The following GON4L variants were observed in gnomAD, a reference collection of about 807,000 sequenced individuals.
GON4L encodes the protein gon-4 like, also known as GON-4-like protein.
Under a neutral mutation model 211.8 loss-of-function variants are expected in GON4L, and 87 were observed. The ratio of observed to expected loss-of-function variants is 0.41; its 90% CI spans 0.35 to 0.49. GON4L has a LOEUF of 0.49. Among genes scored for constraint, GON4L ranks in the 20% least tolerant of loss-of-function variants. The pLI is 0.15. For synonymous variants in GON4L, 875 were observed against 962.6 expected, an observed-to-expected ratio of 0.91 and a Z score of 1.68; for missense variants, 2,155 against 2,659.5, an observed-to-expected ratio of 0.81 and a Z score of 4.17.
At position 155,813,704 on chromosome 1, in the gene GON4L, G is replaced by C; in HGVS notation, c.1382C>G (p.Thr461Ser). 1 of 1,613,480 alleles carries C rather than the reference G, an allele frequency of 6.2e-7. No homozygotes were observed. ...TACCGCATGTAACTTCTCCATGAAA[G>C]TACTATCTCTGGTCTGTTTCGGCTT... ...PPKPKQTRDSTFMEKLHAVDE... is the reference protein window; with the variant it reads ...PPKPKQTRDSSFMEKLHAVDE... Residue 461 changes from threonine (T) to serine (S), a missense_variant, in exon 10 of 32, where the codon ACT (threonine) becomes AGT (serine). Physicochemically the swap from Thr to Ser is moderately conservative, Grantham distance 58 (BLOSUM62 1). Around this residue, in one of 6 missense-constraint regions of GON4L, gnomAD observed 551 missense variants for 854.0 expected, o/e 0.65. Coordinates refer to ENST00000368331, the MANE Select transcript of GON4L (RefSeq NM_001282860.2).
At chr1:155,839,330 G>A (rs576227626) in intron 2 of GON4L, among the ~76,000 whole-genome samples, 1 of 152,174 alleles carries the variant, frequency 6.6e-6, no homozygotes, top group East Asian at 1.9e-4. Context: ...TTGTTCTAGA[G>A]TAGTAGAATG....
intron 10 of GON4L, among the ~76,000 whole-genome samples, chr1:155,812,558 A>ATTT (rs763363461): frequency 1.4e-5 from 2 of 144,834 alleles, no homozygotes; most frequent in East Asian, 2.0e-4. Context: ...CTGTATCCTG[A>ATTT]TTTTTTTTTT....
At chr1:155,756,794 T>A (rs946457703) in intron 27 of GON4L, 164 bp downstream of exon 27, 3 of 596,760 alleles carry the variant, frequency 5.0e-6, no homozygotes, top group Non-Finnish European at 8.9e-6. Flanking sequence ...GCGTGGTGGC[T>A]GGCGCCTGTC....
chr1:155,779,059 G>T (rs1664129693), intron 14 of GON4L, among the ~76,000 whole-genome samples: 1 of 151,628 alleles, frequency 6.6e-6, no homozygotes, highest in African/African-American at 2.4e-5. Context: ...GAGGTCAGGA[G>T]ATCAAGACCA....
intron 2 of GON4L, chr1:155,846,693 C>G (rs1048964719): frequency 6.6e-6 from 1 of 151,878 alleles, no homozygotes; most frequent in Non-Finnish European, 1.5e-5. Flanking sequence ...CTGGGGGGTT[C>G]TTTTCCACTT....
intron 8 of GON4L, 93 bp downstream of exon 8, chr1:155,815,712 C>G (rs1193906731): frequency 5.2e-6 from 4 of 773,186 alleles, no homozygotes; most frequent in African/African-American, 1.7e-5. Flanking sequence ...AAAAAAGAAC[C>G]ATGTCTCAAT....
intron 2 of GON4L, among the ~76,000 whole-genome samples, chr1:155,850,882 C>T (rs1333104995): frequency 6.9e-6 from 1 of 144,412 alleles, no homozygotes; most frequent in Non-Finnish European, 1.5e-5. Context: ...AACCCTGTCT[C>T]AACTAAAATA....
Position 155,822,268 on chromosome 1 carries a change from T to C in GON4L, c.888+18A>G. The stretch of plus-strand genomic sequence containing the variant: ...AAAAGTTCCCTTCCATTTACATAAC[T>C]GCCCCAGTCTTACTCACATGAAGGA... On this transcript the variant is annotated intron_variant, in intron 4 of 31. Coordinates refer to ENST00000368331, the MANE Select transcript of GON4L (RefSeq NM_001282860.2). 6.3e-7 allele frequency: 1 copy of C among 1,598,844 alleles called. No homozygotes were observed. Among genetic ancestry groups the C allele is most frequent in the South Asian group, 1.1e-5 (1 of 90,734 alleles).
chr1:155,825,032 C>T (rs1036096290), intron 3 of GON4L, among the ~76,000 whole-genome samples: 3 of 151,636 alleles, frequency 2.0e-5, no homozygotes, highest in African/African-American at 7.3e-5. Context: ...GGCATTGTGG[C>T]GTGCACCTAG....
intron 12 of GON4L, among the ~76,000 whole-genome samples, chr1:155,790,696 A>C (rs1322354436): frequency 6.6e-6 from 1 of 152,034 alleles, no homozygotes; most frequent in Admixed American, 6.6e-5. Flanking sequence ...CTGTAATCCC[A>C]GCACTTTGGG....
chr1:155,844,564 C>T (rs1301656882), intron 2 of GON4L, among the ~76,000 whole-genome samples: 1 of 151,968 alleles, frequency 6.6e-6, no homozygotes, highest in Non-Finnish European at 1.5e-5. Flanking sequence ...AAGACCAGCC[C>T]GGGCAACATA....
rs559399330 is a variant in GON4L at position 155,797,160 on chromosome 1, G to A, written c.1646-2009C>T. Among the ~76,000 whole-genome samples, 96 of 151,892 alleles carry A rather than the reference G, an allele frequency of 6.3e-4. 1 individual carries two copies. Among genetic ancestry groups the A allele is most frequent in the African/African-American group, 2.3e-3 (95 of 41,410 alleles). On this transcript the variant is annotated intron_variant, in intron 11 of 31. Transcript: ENST00000368331. Reference sequence around the variant, plus strand: ...GGTGGAGTCTCGCTCTGTCGCCCAGGCTGGAGTGCAGTGGCTCGATCTCAG... The same window carrying A: ...GGTGGAGTCTCGCTCTGTCGCCCAGACTGGAGTGCAGTGGCTCGATCTCAG...
At chr1:155,809,920 T>TA (rs1388467593) in intron 10 of GON4L, among the ~76,000 whole-genome samples, 5 of 135,754 alleles carry the variant, frequency 3.7e-5, no homozygotes, top group African/African-American at 1.4e-4. Context: ...TATACATATA[T>TA]AATTATAAAT....
rs367979838 is a variant in GON4L, at chr1:155,775,140, C to T, written c.2212G>A (p.Ala738Thr). The stretch of plus-strand genomic sequence containing the variant: ...TTGGGGTTGTACTGATGGTGAAGGG[C>T]GATGGAGCTTTGAGCAAAGGTTCCC... ...ELGTFAQSSIALHHQYNPKFQ... is the reference protein window; with the variant it reads ...ELGTFAQSSITLHHQYNPKFQ... The change falls in exon 17 of 32, where the codon GCC (alanine) becomes ACC (threonine). Residue 738 changes from alanine (A) to threonine (T), a missense_variant. Physicochemically the swap from Ala to Thr is moderately conservative, Grantham distance 58. Coordinates refer to ENST00000368331, the MANE Select transcript of GON4L (RefSeq NM_001282860.2). 21 of 1,613,928 alleles carry T rather than the reference C, an allele frequency of 1.3e-5. No homozygotes were observed. Among genetic ancestry groups the T allele is most frequent in the African/African-American group, 2.7e-5 (2 of 74,866 alleles).
intron 10 of GON4L, 100 bp downstream of exon 10, chr1:155,813,534 A>G (rs1667972319): frequency 1.2e-6 from 1 of 866,836 alleles, no homozygotes; most frequent in African/African-American, 1.7e-5. Context: ...ACTCTTACTT[A>G]TATAAAATTG....
chr1:155,840,152 C>T (rs954631933), intron 2 of GON4L, among the ~76,000 whole-genome samples: 6 of 152,194 alleles, frequency 3.9e-5, no homozygotes, highest in Non-Finnish European at 7.3e-5. Context: ...TTTTTCTTGA[C>T]ATGTCTAAAT....
chr1:155,807,730 A>AAAAAAAAAAAAC (rs1395575383), intron 10 of GON4L, among the ~76,000 whole-genome samples: 4 of 143,798 alleles, frequency 2.8e-5, no homozygotes, highest in Non-Finnish European at 3.0e-5. Context: ...AAAAAAGAAA[A>AAAAAAAAAAAAC]TCAGAAAGTG....
chr1:155,842,523 C>CA (rs71591917), intron 2 of GON4L, among the ~76,000 whole-genome samples: 2,098 of 24,076 alleles, frequency 0.087, 92 homozygotes, highest in Non-Finnish European at 0.11. Flanking sequence ...GACTCCATCT[C>CA]AAAAAAAAAA....
chr1:155,757,135 T>C (rs1378871632), intron 26 of GON4L, 45 bp downstream of exon 26: 1 of 1,613,752 alleles, frequency 6.2e-7, no homozygotes, highest in African/African-American at 1.3e-5. Flanking sequence ...CTCCCACGTG[T>C]GGCCTTCCCC....
Sources: allele counts gnomAD v4.1 joint callset (sites outside exome capture counted in the v4.1 genomes callset), GRCh38; gene constraint gnomAD v4.1.1; regional missense constraint gnomAD v4.1.1; transcripts MANE v1.5; gene names NCBI Gene and HGNC (gene_info 2026-07-23, HGNC 2026-07-21).